The following PCDH9 variants were observed in gnomAD, a reference collection of about 807,000 sequenced individuals.
The protein encoded by PCDH9 is protocadherin-9.
A neutral mutation model predicts 70.6 loss-of-function variants in PCDH9; 24 were observed. The ratio of observed to expected loss-of-function variants is 0.34; its 90% CI spans 0.25 to 0.48. PCDH9 has a LOEUF of 0.48. PCDH9 is among the 20% of genes least tolerant of loss of function. PCDH9 has a pLI of 0.99. For synonymous variants in PCDH9, 562 were observed against 558.5 expected, an observed-to-expected ratio of 1.01 and a Z score of -0.09; for missense variants, 1,281 against 1,503.6, an observed-to-expected ratio of 0.85 and a Z score of 2.45.
intron 4 of PCDH9, among the ~76,000 whole-genome samples, chr13:66,454,181 C>G (rs1360006193): frequency 6.6e-6 from 1 of 151,496 alleles, no homozygotes; most frequent in Non-Finnish European, 1.5e-5. Context: ...CATTTTCTTT[C>G]TAAAACTAAT....
chr13:66,370,240 T>C (rs1301147018), intron 4 of PCDH9, among the ~76,000 whole-genome samples: 1 of 151,978 alleles, frequency 6.6e-6, no homozygotes, highest in East Asian at 1.9e-4. Flanking sequence ...TTAAATGTAA[T>C]AATCTAGAAA....
intron 2 of PCDH9, among the ~76,000 whole-genome samples, chr13:66,934,992 T>C (rs2139671374): frequency 6.6e-6 from 1 of 152,026 alleles, no homozygotes; most frequent in East Asian, 1.9e-4. Context: ...AGTGCTGGGA[T>C]TACAGGCGTG....
At chr13:66,339,624 TG>T in intron 4 of PCDH9, among the ~76,000 whole-genome samples, 1 of 152,274 alleles carries the variant, frequency 6.6e-6, no homozygotes, top group South Asian at 2.1e-4. Context: ...GCCATGATTA[TG>T]TTTTTTTGCA....
intron 2 of PCDH9, among the ~76,000 whole-genome samples, chr13:67,135,587 T>C (rs192318063): frequency 1.3e-5 from 2 of 152,224 alleles, no homozygotes; most frequent in Admixed American, 1.3e-4. Context: ...GTAAGAACAT[T>C]GGTGGGCAGT....
chr13:67,172,644 G>A (rs566128827), intron 2 of PCDH9, among the ~76,000 whole-genome samples: 18 of 152,108 alleles, frequency 1.2e-4, no homozygotes, highest in African/African-American at 3.9e-4. Context: ...ATGGGAGACC[G>A]AGGTGGGAGG....
At chr13:66,449,010 T>C (rs186451442) in intron 4 of PCDH9, among the ~76,000 whole-genome samples, 42 of 152,244 alleles carry the variant, frequency 2.8e-4, no homozygotes, top group Non-Finnish European at 4.7e-4. Flanking sequence ...TGAGAAGCCT[T>C]TGATATAAAG....
chr13:66,585,883 A>G (rs1277293045), intron 4 of PCDH9, among the ~76,000 whole-genome samples: 2 of 152,186 alleles, frequency 1.3e-5, no homozygotes, highest in Non-Finnish European at 2.9e-5. Flanking sequence ...CCTAAGACAA[A>G]GAGACAAAAA....
chr13:66,953,422 A>C (rs533282485), intron 2 of PCDH9, among the ~76,000 whole-genome samples: 7 of 152,240 alleles, frequency 4.6e-5, no homozygotes, highest in African/African-American at 1.7e-4. Context: ...TTGATTAAGC[A>C]CTCCACTCCT....
chr13:66,449,448 A>C (rs1037114947), intron 4 of PCDH9, among the ~76,000 whole-genome samples: 1 of 152,088 alleles, frequency 6.6e-6, no homozygotes, highest in African/African-American at 2.4e-5. Context: ...ACAAACTATC[A>C]TCTGGACTTG....
intron 2 of PCDH9, among the ~76,000 whole-genome samples, chr13:66,914,160 T>G (rs1408325164): frequency 6.6e-6 from 1 of 151,972 alleles, no homozygotes; most frequent in Non-Finnish European, 1.5e-5. Context: ...CTGTATGTTT[T>G]AAGGAACAAA....
intron 2 of PCDH9, among the ~76,000 whole-genome samples, chr13:66,972,354 A>G (rs1044067182): frequency 3.9e-5 from 6 of 152,006 alleles, no homozygotes; most frequent in African/African-American, 1.4e-4. Context: ...AGGATGAGAC[A>G]ATTATCATAA....
intron 4 of PCDH9, among the ~76,000 whole-genome samples, chr13:66,383,517 C>G (rs915062112): frequency 2.0e-5 from 3 of 152,140 alleles, no homozygotes; most frequent in African/African-American, 7.2e-5. Flanking sequence ...GTTACTCCAG[C>G]TGCAATTCTA....
At chr13:66,712,694 T>C (rs1433647631) in intron 3 of PCDH9, among the ~76,000 whole-genome samples, 1 of 152,204 alleles carries the variant, frequency 6.6e-6, no homozygotes, top group Middle Eastern at 3.2e-3. Flanking sequence ...TTTTATTTTC[T>C]ATTGTTGCTA....
chr13:66,823,301 C>T (rs910607828), intron 3 of PCDH9, among the ~76,000 whole-genome samples: 41 of 151,816 alleles, frequency 2.7e-4, no homozygotes, highest in African/African-American at 9.2e-4. Flanking sequence ...GATGACCACA[C>T]CATTTTCATA....
intron 4 of PCDH9, among the ~76,000 whole-genome samples, chr13:66,426,351 T>C (rs1369711053): frequency 6.6e-6 from 1 of 151,658 alleles, no homozygotes; most frequent in Non-Finnish European, 1.5e-5. Flanking sequence ...TATATTTCCT[T>C]AATTTAAGCC....
chr13:66,629,130 C>G (rs1050912394), intron 4 of PCDH9, among the ~76,000 whole-genome samples: 1 of 152,218 alleles, frequency 6.6e-6, no homozygotes, highest in Non-Finnish European at 1.5e-5. Context: ...TTGTCTTAAT[C>G]TTATTCATTG....
intron 4 of PCDH9, among the ~76,000 whole-genome samples, chr13:66,554,571 T>C (rs1048269967): frequency 1.3e-5 from 2 of 152,096 alleles, no homozygotes; most frequent in African/African-American, 4.8e-5. Flanking sequence ...AGTTTATACT[T>C]TTAAAACCTC....
chr13:66,456,190 A>G (rs1409640928), intron 4 of PCDH9, among the ~76,000 whole-genome samples: 1 of 152,180 alleles, frequency 6.6e-6, no homozygotes, highest in Non-Finnish European at 1.5e-5. Flanking sequence ...GGAAAATTCA[A>G]ATACAAATTT....
At chr13:66,426,293 A>G (rs568154367) in intron 4 of PCDH9, among the ~76,000 whole-genome samples, 11 of 151,716 alleles carry the variant, frequency 7.3e-5, no homozygotes, top group African/African-American at 2.6e-4. Context: ...TGAGAGCAGT[A>G]GACCCCATAG....
Sources: allele counts gnomAD v4.1 joint callset (sites outside exome capture counted in the v4.1 genomes callset), GRCh38; gene constraint gnomAD v4.1.1; transcripts MANE v1.5; gene names NCBI Gene and HGNC (gene_info 2026-07-23, HGNC 2026-07-21).